Variants in CREM observed in about 807,000 individuals in gnomAD.
CREM encodes cAMP responsive element modulator, also known as cAMP-responsive element modulator.
In CREM, 13 loss-of-function variants were observed where a neutral mutation model predicts 37.3. The observed-to-expected ratio is 0.35, with a 90% CI of 0.23 to 0.55. The LOEUF is 0.55. Ranked by LOEUF, CREM falls within the 20% of genes least tolerant of loss-of-function variation. The probability of loss-of-function intolerance (pLI) is 0.88; values close to 1 mark genes in which losing one functional copy is unlikely to be tolerated. For missense variants in CREM, 296 were observed against 362.3 expected (o/e 0.82, Z 1.49); for synonymous variants, 124 against 120.2 (o/e 1.03, Z -0.21).
intron 3 of CREM, among the ~76,000 whole-genome samples, chr10:35,178,170 C>T (rs372351206): frequency 5.9e-5 from 9 of 152,268 alleles, no homozygotes; most frequent in Admixed American, 1.3e-4. Flanking sequence ...CAAAATCAGT[C>T]ATGTTGTTGA....
chr10:35,209,359 G>A, intron 7 of CREM: 1 of 985,302 alleles, frequency 1.0e-6, no homozygotes, highest in Non-Finnish European at 1.2e-6. Flanking sequence ...CCGTGCTGAG[G>A]ATACACCCAG....
At chr10:35,210,722 C>G (rs1375656837) in intron 7 of CREM, 1 of 152,312 alleles carries the variant, frequency 6.6e-6, no homozygotes, top group Non-Finnish European at 1.5e-5. Context: ...TGTGTGTTTT[C>G]TAGCCAATAA....
chr10:35,198,702 G>A (rs1483060535), intron 6 of CREM, among the ~76,000 whole-genome samples: 2 of 152,014 alleles, frequency 1.3e-5, no homozygotes, highest in African/African-American at 4.8e-5. Flanking sequence ...GTTGCATTCT[G>A]GCTGGATTTC....
At position 35,161,206 on chromosome 10, in the gene CREM, G is replaced by A. The variant is rs186177024; in HGVS notation, c.168+12715G>A. ...TGCTGGTGTGTGGTGATGTGATCTC[G>A]GCTCACTGCAACCTCCGCCTCCTGG... On this transcript the variant is annotated intron_variant, in intron 3 of 7. Coordinates refer to ENST00000685392, the MANE Select transcript of CREM (RefSeq NM_183011.2). Among the ~76,000 whole-genome samples, 38 of 151,716 alleles carry A rather than the reference G, an allele frequency of 2.5e-4. No individual in the cohort carries two copies. The East Asian group carries it at 6.7e-3, about 27-fold the overall frequency.
Position 35,212,098 on chromosome 10 carries a change from G to T in CREM, c.*700G>T. On this transcript the variant is annotated 3_prime_UTR_variant, in exon 8 of 8. Coordinates refer to ENST00000685392, the MANE Select transcript of CREM (RefSeq NM_183011.2). ...CTATGTGTCATCAATAGTGTCCTAT[G>T]CAATAAAATTATTTGCAGGTCTTTA... 1 of 230,928 alleles carries T rather than the reference G, an allele frequency of 4.3e-6. No individual in the cohort carries two copies. The highest frequency in any genetic ancestry group is 8.3e-6 in the Non-Finnish European group (1 of 120,204). 14.3% of individuals were successfully genotyped at this position (230,928 alleles called of 1,614,324 possible).
chr10:35,170,986 TTTA>T (rs1341723560), intron 3 of CREM, among the ~76,000 whole-genome samples: 1 of 152,064 alleles, frequency 6.6e-6, no homozygotes, highest in African/African-American at 2.4e-5. Context: ...CAGCCTTTAT[TTTA>T]GCATTTTAAT....
chr10:35,206,165 A>G (rs937535472), intron 6 of CREM, among the ~76,000 whole-genome samples: 4 of 151,314 alleles, frequency 2.6e-5, no homozygotes, highest in African/African-American at 9.7e-5. Context: ...GGAGAATGGC[A>G]TGAACCCAGG....
intron 2 of CREM, among the ~76,000 whole-genome samples, chr10:35,147,201 C>T (rs2092232170): frequency 6.6e-6 from 1 of 151,684 alleles, no homozygotes; most frequent in Admixed American, 6.6e-5. Flanking sequence ...CAGGCGCCTA[C>T]CACGGTGGCG....
chr10:35,154,795 G>T (rs528604210), intron 3 of CREM, among the ~76,000 whole-genome samples: 1 of 152,162 alleles, frequency 6.6e-6, no homozygotes, highest in Admixed American at 6.5e-5. Context: ...GCTTTGAACC[G>T]TAACTCATTA....
intron 2 of CREM, 112 bp downstream of exon 2, chr10:35,137,991 C>A: frequency 1.6e-6 from 1 of 639,606 alleles, no homozygotes; most frequent in Non-Finnish European, 2.4e-6. Context: ...TATATATATT[C>A]TATTATAATA....
At chr10:35,175,420 T>C (rs2094008350) in intron 3 of CREM, among the ~76,000 whole-genome samples, 1 of 152,058 alleles carries the variant, frequency 6.6e-6, no homozygotes, top group South Asian at 2.1e-4. Context: ...CACTCCAGCC[T>C]GGGCAGCAGA....
chr10:35,175,858 TG>T (rs2094039090), intron 3 of CREM: 1 of 1,577,028 alleles, frequency 6.3e-7, no homozygotes, highest in Non-Finnish European at 8.6e-7. Flanking sequence ...GGCAGGTTTC[TG>T]TGGCTGGATC....
chr10:35,196,865 CTTTTT>C (rs58503822), intron 6 of CREM, among the ~76,000 whole-genome samples: 2 of 108,942 alleles, frequency 1.8e-5, no homozygotes, highest in Admixed American at 1.1e-4. Context: ...ACGCTGTGTA[CTTTTT>C]TTTTTTTTTT....
chr10:35,175,551 G>GTTAAA lies in CREM; in HGVS notation c.169-3338_169-3337insTTAAA. ...AAGGCTTCACTGTTAGTAGGCGTGA[G>GTTAAA]GTCGTAGTGAGGTAGTTTAACTGCT... On this transcript the variant is annotated intron_variant, in intron 3 of 7. Transcript: ENST00000685392. 14 of 853,848 alleles carry GTTAAA rather than the reference G, an allele frequency of 1.6e-5. No homozygotes were observed. In the South Asian group the frequency reaches 2.1e-4, roughly 13 times the overall value. 52.9% of individuals were successfully genotyped at this position (853,848 alleles called of 1,614,324 possible).
At chr10:35,160,483 C>G (rs2093222567) in intron 3 of CREM, among the ~76,000 whole-genome samples, 1 of 152,184 alleles carries the variant, frequency 6.6e-6, no homozygotes, top group African/African-American at 2.4e-5. Context: ...ACTGCAGCCT[C>G]AAACTCCTGG....
At chr10:35,192,232 A>G (rs1057099715) in intron 6 of CREM, among the ~76,000 whole-genome samples, 4 of 152,324 alleles carry the variant, frequency 2.6e-5, no homozygotes, top group African/African-American at 9.6e-5. Flanking sequence ...TGTTCCTGAA[A>G]GTTCAGCTAA....
chr10:35,187,169 A>AAATAT (rs1564922735), intron 5 of CREM, among the ~76,000 whole-genome samples: 32 of 43,274 alleles, frequency 7.4e-4, no homozygotes, highest in African/African-American at 2.3e-3. Context: ...TATATTATAT[A>AAATAT]TTAATATTAA....
intron 5 of CREM, among the ~76,000 whole-genome samples, chr10:35,184,631 T>G (rs1043799303): frequency 2.6e-5 from 4 of 152,098 alleles, no homozygotes; most frequent in African/African-American, 4.8e-5. Flanking sequence ...GTGTGTGTGT[T>G]TGTTTAGCTT....
chr10:35,163,314 G>T (rs953228854), intron 3 of CREM, among the ~76,000 whole-genome samples: 22 of 152,190 alleles, frequency 1.4e-4, no homozygotes, highest in African/African-American at 5.3e-4. Context: ...TATTGCCTTT[G>T]TAAGTTGGTC....
Sources: allele counts gnomAD v4.1 joint callset (sites outside exome capture counted in the v4.1 genomes callset), GRCh38; gene constraint gnomAD v4.1.1; transcripts MANE v1.5; gene names NCBI Gene and HGNC (gene_info 2026-07-23, HGNC 2026-07-21).